Variants in CBLN2 observed in about 807,000 individuals in gnomAD.
The protein encoded by CBLN2 is cerebellin 2 precursor.
CBLN2 carries 7 observed loss-of-function variants against 15.0 expected under a neutral mutation model. The observed-to-expected ratio is 0.47, with a 90% CI of 0.27 to 0.88. The LOEUF (loss-of-function observed/expected upper bound fraction) is 0.88. Among genes scored for constraint, CBLN2 ranks in the 40% least tolerant of loss-of-function variants. CBLN2 has a pLI of 0.14. For missense variants in CBLN2, 242 were observed against 304.5 expected, an observed-to-expected ratio of 0.79 and a Z score of 1.53; for synonymous variants, 149 against 135.2, an observed-to-expected ratio of 1.10 and a Z score of -0.71.
intron 1 of CBLN2, among the ~76,000 whole-genome samples, chr18:72,587,507 G>A (rs1239932122): frequency 6.6e-6 from 1 of 151,152 alleles, no homozygotes; most frequent in Non-Finnish European, 1.5e-5. Flanking sequence ...AAGAAAGTAG[G>A]TTTTAAAAAA....
intron 1 of CBLN2, among the ~76,000 whole-genome samples, chr18:72,605,674 A>G (rs1200601707): frequency 6.6e-6 from 1 of 152,214 alleles, no homozygotes; most frequent in Non-Finnish European, 1.5e-5. Context: ...GCTACTTCAA[A>G]TTCACATTAC....
At chr18:72,613,177 T>A (rs902475835) in intron 1 of CBLN2, among the ~76,000 whole-genome samples, 2 of 152,232 alleles carry the variant, frequency 1.3e-5, no homozygotes, top group Admixed American at 6.5e-5. Flanking sequence ...AACTAATACA[T>A]GTAAAACAAT....
At chr18:72,566,050 G>A (rs1488308212) in intron 1 of CBLN2, among the ~76,000 whole-genome samples, 6 of 152,030 alleles carry the variant, frequency 3.9e-5, no homozygotes, top group East Asian at 3.8e-4. Context: ...CAAATGGTCC[G>A]CAGGTATACA....
At chr18:72,629,462 TA>T (rs1392236594) in intron 1 of CBLN2, among the ~76,000 whole-genome samples, 3 of 151,678 alleles carry the variant, frequency 2.0e-5, no homozygotes, top group Non-Finnish European at 2.9e-5. Flanking sequence ...GTTCATTAAT[TA>T]AAAAAAATAA....
At chr18:72,545,296 A>T (rs2069150718), upstream of CBLN2, among the ~76,000 whole-genome samples, 1 of 152,242 alleles carries the variant, frequency 6.6e-6, no homozygotes, top group African/African-American at 2.4e-5. Flanking sequence ...TGCGTGAGAC[A>T]AAATATTTAG....
intron 1 of CBLN2, among the ~76,000 whole-genome samples, chr18:72,560,621 T>G (rs541820346): frequency 6.6e-6 from 1 of 152,274 alleles, no homozygotes; most frequent in South Asian, 2.1e-4. Context: ...AAGCCTAAAA[T>G]AGTTACTCTC....
intron 1 of CBLN2, among the ~76,000 whole-genome samples, chr18:72,607,779 C>T (rs2069593147): frequency 6.6e-6 from 1 of 151,564 alleles, no homozygotes; most frequent in African/African-American, 2.4e-5. Context: ...CTTTTCAATT[C>T]AGATTTTGAA....
chr18:72,611,528 T>C (rs1006158962), intron 1 of CBLN2, among the ~76,000 whole-genome samples: 2 of 152,210 alleles, frequency 1.3e-5, no homozygotes, highest in African/African-American at 4.8e-5. Flanking sequence ...GTTTGTTGGC[T>C]GCTCATATGT....
At chr18:72,616,895 G>A (rs965946751) in intron 1 of CBLN2, among the ~76,000 whole-genome samples, 2 of 152,064 alleles carry the variant, frequency 1.3e-5, no homozygotes, top group Non-Finnish European at 2.9e-5. Flanking sequence ...TCAGAAAGAC[G>A]TTTATCTCTT....
At chr18:72,552,679 C>A (rs184608895) in intron 1 of CBLN2, 3 of 151,814 alleles carry the variant, frequency 2.0e-5, no homozygotes, top group Admixed American at 1.3e-4. Context: ...AGGTACATAG[C>A]GAATTGATAA....
chr18:72,631,370 T>C (rs910256781), intron 1 of CBLN2, among the ~76,000 whole-genome samples: 32 of 151,944 alleles, frequency 2.1e-4, no homozygotes, highest in Admixed American at 1.9e-3. Context: ...TTGCAAATTA[T>C]AACATTGAAG....
At chr18:72,624,989 G>C (rs937072782) in intron 1 of CBLN2, among the ~76,000 whole-genome samples, 1 of 151,984 alleles carries the variant, frequency 6.6e-6, no homozygotes, top group Non-Finnish European at 1.5e-5. Context: ...GAAAAGTAAA[G>C]AAAAAAACAA....
intron 1 of CBLN2, among the ~76,000 whole-genome samples, chr18:72,584,605 A>C (rs2069430263): frequency 6.6e-6 from 1 of 152,136 alleles, no homozygotes; most frequent in South Asian, 2.1e-4. Context: ...CCCAGCCTAC[A>C]ATCTTATTGT....
At chr18:72,579,311 G>T (rs566998853) in intron 1 of CBLN2, among the ~76,000 whole-genome samples, 2 of 151,884 alleles carry the variant, frequency 1.3e-5, no homozygotes, top group Non-Finnish European at 2.9e-5. Context: ...TATATAACTC[G>T]CCATAATTAA....
In CBLN2 at chr18:72,541,784, T is replaced by A; in HGVS notation, c.357+20A>T. On this transcript the variant is annotated intron_variant, in intron 3 of 4. Transcript: ENST00000269503. ...CCCTCTCCCCGGGCTGGGGGCGGGG[T>A]GGGCAGGCCGACGGCTGACCTGGTC... 2 of 1,504,596 alleles carry A rather than the reference T, an allele frequency of 1.3e-6. No homozygotes were observed. Among genetic ancestry groups the A allele is most frequent in the Non-Finnish European group, 1.8e-6 (2 of 1,127,606 alleles). The allele number at this position is 1,504,596 out of a possible 1,614,324, so 93.2% of individuals were successfully genotyped here. A position where few individuals can be genotyped will look rare whatever the true frequency, so the allele number is the denominator to read the frequency against.
intron 1 of CBLN2, among the ~76,000 whole-genome samples, chr18:72,598,813 G>A (rs1437685998): frequency 2.0e-5 from 3 of 152,168 alleles, no homozygotes; most frequent in Non-Finnish European, 4.4e-5. Flanking sequence ...GTCCTGTGTC[G>A]CTTTCCACTG....
intron 1 of CBLN2, among the ~76,000 whole-genome samples, chr18:72,556,301 C>CAAAT: frequency 6.6e-6 from 1 of 152,162 alleles, no homozygotes; most frequent in East Asian, 1.9e-4. Flanking sequence ...ATAACTCTTC[C>CAAAT]AAATAAATAA....
chr18:72,576,036 G>T (rs2144912204), intron 1 of CBLN2, among the ~76,000 whole-genome samples: 1 of 152,282 alleles, frequency 6.6e-6, no homozygotes, highest in East Asian at 1.9e-4. Flanking sequence ...TATTTACTGA[G>T]AATATACTAT....
At chr18:72,614,827 A>C (rs2069646102) in intron 1 of CBLN2, among the ~76,000 whole-genome samples, 1 of 151,802 alleles carries the variant, frequency 6.6e-6, no homozygotes, top group African/African-American at 2.4e-5. Context: ...AAGCTAATGA[A>C]ATTGTTTCAG....
Sources: allele counts gnomAD v4.1 joint callset (sites outside exome capture counted in the v4.1 genomes callset), GRCh38; gene constraint gnomAD v4.1.1; transcripts MANE v1.5; gene names NCBI Gene and HGNC (gene_info 2026-07-23, HGNC 2026-07-21).